Variants in OSBPL9 observed in about 807,000 individuals in gnomAD.
OSBPL9 encodes the protein oxysterol binding protein like 9, also known as oxysterol-binding protein-related protein 9.
A neutral mutation model predicts 106.6 loss-of-function variants in OSBPL9; 40 were observed. That is an observed-to-expected ratio of 0.38 (90% confidence interval 0.29 to 0.49). The LOEUF (loss-of-function observed/expected upper bound fraction) is 0.49, where lower values mean the gene tolerates loss of function less well. Among genes scored for constraint, OSBPL9 ranks in the 20% least tolerant of loss-of-function variants. OSBPL9 has a pLI of 0.97. For synonymous variants in OSBPL9, 269 were observed against 295.4 expected (o/e 0.91, Z 0.92); for missense variants, 609 against 887.2 (o/e 0.69, Z 3.98).
intron 1 of OSBPL9, among the ~76,000 whole-genome samples, chr1:51,649,857 T>C (rs1646404957): frequency 6.6e-6 from 1 of 151,834 alleles, no homozygotes; most frequent in Admixed American, 6.6e-5. Context: ...TTATTTTCAG[T>C]TATCTCTCTT....
chr1:51,767,088 A>G (rs1307354086), intron 12 of OSBPL9, among the ~76,000 whole-genome samples: 1 of 151,802 alleles, frequency 6.6e-6, no homozygotes, highest in Non-Finnish European at 1.5e-5. Context: ...CCAAACAAAC[A>G]ACAACAACAA....
chr1:51,737,543 G>GGGGT (rs1290976311), intron 4 of OSBPL9, among the ~76,000 whole-genome samples: 6 of 92,648 alleles, frequency 6.5e-5, no homozygotes, highest in African/African-American at 2.5e-4. Flanking sequence ...TTATATTTCA[G>GGGGT]GGGTGTGTGT....
chr1:51,537,811 G>C, the OSBPL9 span, among the ~76,000 whole-genome samples: 8 of 151,982 alleles, frequency 5.3e-5, no homozygotes, highest in African/African-American at 1.9e-4. Context: ...AAAGTGCTGG[G>C]ATTACAAGCA....
intron 4 of OSBPL9, among the ~76,000 whole-genome samples, chr1:51,735,195 C>CT (rs1269486312): frequency 6.6e-6 from 1 of 152,178 alleles, no homozygotes; most frequent in African/African-American, 2.4e-5. Context: ...TCCTTCCATG[C>CT]TTTGAGGCAA....
intron 2 of OSBPL9, among the ~76,000 whole-genome samples, chr1:51,604,598 A>T (rs1324806582): frequency 6.6e-6 from 1 of 152,122 alleles, no homozygotes; most frequent in Non-Finnish European, 1.5e-5. Context: ...TAAGTCCATC[A>T]TACACTAAAG....
intron 3 of OSBPL9, among the ~76,000 whole-genome samples, chr1:51,693,816 A>T (rs1467639403): frequency 1.3e-5 from 2 of 152,242 alleles, no homozygotes; most frequent in Non-Finnish European, 2.9e-5. Context: ...AACTATAGTC[A>T]GTTGCATTTT....
At chr1:51,519,080 CGGCCCACAAGCCAAGAAGCTGCCTGCTT>C in the OSBPL9 span, 17 of 629,448 alleles carry the variant, frequency 2.7e-5, no homozygotes, top group African/African-American at 9.7e-5. Context: ...ACCGGCCGCC[CGGCCCACAAGCCAAGAAGCTGCCTGCTT>C]GGCCCACAAG....
chr1:51,662,960 G>A (rs1647426049), intron 2 of OSBPL9, among the ~76,000 whole-genome samples: 1 of 151,972 alleles, frequency 6.6e-6, no homozygotes, highest in Non-Finnish European at 1.5e-5. Context: ...TAGCCAGGAT[G>A]GTCTTGATCA....
intron 12 of OSBPL9, among the ~76,000 whole-genome samples, chr1:51,767,959 T>G (rs896240370): frequency 2.1e-3 from 288 of 140,408 alleles, no homozygotes; most frequent in African/African-American, 7.7e-3. Flanking sequence ...TTTTTTTTTT[T>G]TTTTGAGACA....
chr1:51,729,536 C>T lies in OSBPL9; in HGVS notation c.318+15457C>T, dbSNP rs1389322510. On this transcript the variant is annotated intron_variant, in intron 4 of 23. Coordinates refer to ENST00000428468, the MANE Select transcript of OSBPL9 (RefSeq NM_024586.6). This position sits in a 1 kb window ranked among gnomAD's most constrained non-coding sequence, Gnocchi z 5.1. ...GAAGCCGCGTGTCCCCAGGCGCACT[C>T]CCCCAAGGTGAACCCCCGCCCCCCA... 1.3e-5 allele frequency: 2 copies of T among 156,176 alleles called. No homozygotes were observed. Among genetic ancestry groups the T allele is most frequent in the African/African-American group, 2.4e-5 (1 of 41,642 alleles). 9.7% of individuals were successfully genotyped at this position (156,176 alleles called of 1,614,324 possible).
chr1:51,746,945 G>A (rs1002227677), intron 6 of OSBPL9, among the ~76,000 whole-genome samples, 188 bp downstream of exon 6: 6 of 152,100 alleles, frequency 3.9e-5, no homozygotes, highest in African/African-American at 9.7e-5. Flanking sequence ...TAAACAAAAG[G>A]ATAATATACA....
chr1:51,766,066 A>G, intron 12 of OSBPL9, 85 bp downstream of exon 12: 1 of 1,289,784 alleles, frequency 7.8e-7, no homozygotes, highest in Non-Finnish European at 1.0e-6. Context: ...TGTTAATGAC[A>G]GACTTGCCTC....
At chr1:51,649,875 T>C (rs1278865417) in intron 1 of OSBPL9, among the ~76,000 whole-genome samples, 1 of 152,004 alleles carries the variant, frequency 6.6e-6, no homozygotes, top group Non-Finnish European at 1.5e-5. Flanking sequence ...CTTAGTTTTT[T>C]CTTTTTTGTT....
chr1:51,567,250 T>C, the OSBPL9 span: 2 of 152,216 alleles, frequency 1.3e-5, no homozygotes, highest in Admixed American at 6.5e-5. Flanking sequence ...GCATACTAGG[T>C]AGTCACTTTG....
intron 1 of OSBPL9, among the ~76,000 whole-genome samples, chr1:51,648,489 T>G (rs1204828600): frequency 6.6e-6 from 1 of 152,168 alleles, no homozygotes; most frequent in African/African-American, 2.4e-5. Context: ...TCCTGCCCTG[T>G]GGGGTAGTGG....
In OSBPL9 at chr1:51,715,009, T is replaced by C. The variant is rs148023359; in HGVS notation, c.318+930T>C. Among the ~76,000 whole-genome samples the C allele has an allele frequency of 4.5e-3, 682 of 152,354 alleles. 5 individuals are homozygous for C. The highest frequency in any genetic ancestry group is 8.1e-3 in the Non-Finnish European group (549 of 68,026). On this transcript the variant is annotated intron_variant, in intron 4 of 23. Coordinates refer to ENST00000428468, the MANE Select transcript of OSBPL9 (RefSeq NM_024586.6). Reference sequence around the variant, plus strand: ...ACTGAAGATATTTTTCTATGTTTATTCTCCAGTGAAAGAGCTTATATTTGT... The same window carrying C: ...ACTGAAGATATTTTTCTATGTTTATCCTCCAGTGAAAGAGCTTATATTTGT...
At chr1:51,711,420 G>C in intron 3 of OSBPL9, among the ~76,000 whole-genome samples, 1 of 144,426 alleles carries the variant, frequency 6.9e-6, no homozygotes. Flanking sequence ...CCGGGTAGAG[G>C]CGCCCCTCAC....
chr1:51,548,258 AT>A, the OSBPL9 span, among the ~76,000 whole-genome samples: 2 of 151,774 alleles, frequency 1.3e-5, no homozygotes, highest in South Asian at 4.2e-4. Flanking sequence ...TTTGGTTTGG[AT>A]TTTTTTTATT....
the OSBPL9 span, among the ~76,000 whole-genome samples, chr1:51,547,341 G>A: frequency 2.3e-4 from 35 of 152,244 alleles, no homozygotes; most frequent in Non-Finnish European, 5.9e-5. Flanking sequence ...TGCATACACA[G>A]CAAGATGAAG....
Sources: allele counts gnomAD v4.1 joint callset (sites outside exome capture counted in the v4.1 genomes callset), GRCh38; gene constraint gnomAD v4.1.1; non-coding constraint Gnocchi (gnomAD v3.1); transcripts MANE v1.5; gene names NCBI Gene and HGNC (gene_info 2026-07-23, HGNC 2026-07-21).